The following DAB1 variants were observed in gnomAD, a reference collection of about 807,000 sequenced individuals.
DAB1 encodes disabled homolog 1.
A neutral mutation model predicts 64.6 loss-of-function variants in DAB1; 15 were observed. That is an observed-to-expected ratio of 0.23 (90% CI 0.16 to 0.36). The LOEUF (loss-of-function observed/expected upper bound fraction) is 0.36. Among genes scored for constraint, DAB1 ranks in the 10% least tolerant of loss-of-function variants. The probability of loss-of-function intolerance (pLI) is 1.00; values close to 1 mark genes in which losing one functional copy is unlikely to be tolerated. For synonymous variants in DAB1, 235 were observed against 251.9 expected, an observed-to-expected ratio of 0.93 and a Z score of 0.64; for missense variants, 596 against 706.7, an observed-to-expected ratio of 0.84 and a Z score of 1.78.
chr1:58,115,240 C>T (rs1449146273), intron 5 of DAB1, among the ~76,000 whole-genome samples: 2 of 68,230 alleles, frequency 2.9e-5, no homozygotes, highest in Non-Finnish European at 5.6e-5. Context: ...TGAAGAAATG[C>T]TCATCATCAC....
At chr1:58,068,827 A>G (rs538740020) in intron 5 of DAB1, among the ~76,000 whole-genome samples, 237 of 152,076 alleles carry the variant, frequency 1.6e-3, no homozygotes, top group Non-Finnish European at 2.2e-3. Flanking sequence ...CTTGGGTCCA[A>G]TGTTCTTCCA....
intron 7 of DAB1, among the ~76,000 whole-genome samples, chr1:57,447,263 G>T (rs758060483): frequency 2.1e-4 from 32 of 152,310 alleles, no homozygotes; most frequent in Middle Eastern, 3.4e-3. Flanking sequence ...GCCTCTGTGA[G>T]TCTATGAGGA....
chr1:57,963,001 C>A (rs7514247), intron 5 of DAB1, among the ~76,000 whole-genome samples: 1,781 of 152,198 alleles, frequency 0.012, 34 homozygotes, highest in African/African-American at 0.041. Context: ...CTTCATTCCC[C>A]CTCCTTTTGC....
At chr1:57,696,941 A>G (rs570127795) in intron 6 of DAB1, among the ~76,000 whole-genome samples, 12 of 152,236 alleles carry the variant, frequency 7.9e-5, no homozygotes, top group Admixed American at 5.2e-4. Flanking sequence ...CCAGGTATAG[A>G]CGAGTAGCAA....
chr1:58,401,609 T>G (rs1644568915), intron 3 of DAB1, among the ~76,000 whole-genome samples: 1 of 152,254 alleles, frequency 6.6e-6, no homozygotes, highest in South Asian at 2.1e-4. Flanking sequence ...AGGCGTGGAC[T>G]TTTATTTCTG....
intron 5 of DAB1, among the ~76,000 whole-genome samples, chr1:58,082,569 A>AGG (rs1570327867): frequency 1.3e-5 from 2 of 152,296 alleles, no homozygotes; most frequent in East Asian, 3.9e-4. Context: ...ATATGAAGAT[A>AGG]GGGGTGGAAG....
intron 4 of DAB1, among the ~76,000 whole-genome samples, chr1:58,289,063 G>A (rs1168507744): frequency 6.6e-6 from 1 of 152,122 alleles, no homozygotes; most frequent in Admixed American, 6.6e-5. Context: ...AGCTTTCTTT[G>A]TGTAGGCTGT....
intron 1 of DAB1, among the ~76,000 whole-genome samples, chr1:57,871,159 G>T (rs1187353763): frequency 1.3e-5 from 2 of 152,142 alleles, no homozygotes; most frequent in Non-Finnish European, 2.9e-5. Context: ...GGATTGGAAA[G>T]ATAGGGGTGT....
At chr1:57,381,289 T>A (rs528124324) in intron 1 of DAB1, among the ~76,000 whole-genome samples, 4 of 152,168 alleles carry the variant, frequency 2.6e-5, no homozygotes, top group Non-Finnish European at 4.4e-5. Context: ...ATGGTACCTG[T>A]CAAATGAGAG....
rs1368160314 is a variant in DAB1 at position 58,506,263 on chromosome 1, A to T, written n.108-54T>A. Reference sequence around the variant, plus strand: ...ATGAGCTCAGTTTTGAGGATTTTTTAAAAACTACTACTTTATTTTTTTTTA... The same window carrying T: ...ATGAGCTCAGTTTTGAGGATTTTTTTAAAACTACTACTTTATTTTTTTTTA... On this transcript the variant is annotated intron_variant and non_coding_transcript_variant, in intron 2 of 20. Transcript: ENST00000485760. The T allele has an allele frequency of 6.3e-6, 5 of 797,094 alleles. No individual in the cohort carries two copies. The African/African-American group carries it at 6.9e-5, about 11-fold the overall frequency. The allele number at this position is 797,094 out of a possible 1,614,324, so 49.4% of individuals were successfully genotyped here.
chr1:58,432,414 C>T (rs1468646083), intron 3 of DAB1, among the ~76,000 whole-genome samples: 1 of 152,182 alleles, frequency 6.6e-6, no homozygotes, highest in Non-Finnish European at 1.5e-5. Flanking sequence ...ATCCCCAGCA[C>T]CTGACACAAT....
intron 5 of DAB1, among the ~76,000 whole-genome samples, chr1:58,045,519 G>C (rs991001125): frequency 6.6e-6 from 1 of 152,188 alleles, no homozygotes; most frequent in African/African-American, 2.4e-5. Flanking sequence ...GAGGTGGCAA[G>C]AGAAGAAACC....
chr1:58,329,288 G>A (rs1389081788), intron 4 of DAB1, among the ~76,000 whole-genome samples: 1 of 152,054 alleles, frequency 6.6e-6, no homozygotes, highest in African/African-American at 2.4e-5. Flanking sequence ...TATGCATTCT[G>A]ATTTTTAACC....
At chr1:57,936,108 T>C (rs1203668057) in intron 5 of DAB1, among the ~76,000 whole-genome samples, 1 of 152,228 alleles carries the variant, frequency 6.6e-6, no homozygotes, top group African/African-American at 2.4e-5. Context: ...CTGTGAAATA[T>C]AAAGCCTTAC....
At chr1:58,213,801 G>A (rs1658694131) in intron 4 of DAB1, among the ~76,000 whole-genome samples, 1 of 152,126 alleles carries the variant, frequency 6.6e-6, no homozygotes, top group Non-Finnish European at 1.5e-5. Flanking sequence ...TTCAGTACCT[G>A]TACTCCTCAT....
chr1:57,868,886 TTTC>T (rs2101953495), intron 1 of DAB1, among the ~76,000 whole-genome samples: 1 of 152,210 alleles, frequency 6.6e-6, no homozygotes, highest in Admixed American at 6.5e-5. Context: ...CTAAACTGTT[TTTC>T]TTCTTCCATC....
At chr1:57,249,688 A>G (rs1471427351) in intron 2 of DAB1, among the ~76,000 whole-genome samples, 1 of 152,080 alleles carries the variant, frequency 6.6e-6, no homozygotes, top group East Asian at 1.9e-4. Flanking sequence ...TTATGGTCCT[A>G]CTTACACTTT....
chr1:57,231,084 C>T (rs1045098965), intron 2 of DAB1, among the ~76,000 whole-genome samples: 1 of 152,096 alleles, frequency 6.6e-6, no homozygotes, highest in Non-Finnish European at 1.5e-5. Context: ...TATAGGCAAC[C>T]TTGTTGCTAT....
At chr1:57,192,681 T>G (rs2100215297) in intron 2 of DAB1, among the ~76,000 whole-genome samples, 1 of 152,314 alleles carries the variant, frequency 6.6e-6, no homozygotes, top group African/African-American at 2.4e-5. Flanking sequence ...CTGGGTACCT[T>G]CCTATCCTCT....
Sources: allele counts gnomAD v4.1 joint callset (sites outside exome capture counted in the v4.1 genomes callset), GRCh38; gene constraint gnomAD v4.1.1; transcripts MANE v1.5; gene names NCBI Gene and HGNC (gene_info 2026-07-23, HGNC 2026-07-21).